FRMD5: variants seen among roughly 807,000 people sequenced by gnomAD.
The protein encoded by FRMD5 is FERM domain containing 5, also known as FERM domain-containing protein 5.
In FRMD5, 20 loss-of-function variants were observed where a neutral mutation model predicts 69.0. The observed-to-expected ratio is 0.29, with a 90% confidence interval of 0.20 to 0.42. The LOEUF (loss-of-function observed/expected upper bound fraction) is 0.42. Among genes scored for constraint, FRMD5 ranks in the 10% least tolerant of loss-of-function variants. The pLI is 1.00. For missense variants in FRMD5, 595 were observed against 708.6 expected (o/e 0.84, Z 1.82); for synonymous variants, 271 against 260.1 (o/e 1.04, Z -0.40).
chr15:43,934,763 A>G (rs2089730991), intron 1 of FRMD5, among the ~76,000 whole-genome samples: 1 of 152,204 alleles, frequency 6.6e-6, no homozygotes, highest in African/African-American at 2.4e-5. Flanking sequence ...CTCAGAGTGG[A>G]TCCTCAGGCT....
chr15:43,871,541 T>C lies in FRMD5; in HGVS notation c.*2344A>G, dbSNP rs2088161529. 6.6e-6 allele frequency: 1 copy of C among 152,234 alleles called. No homozygotes were observed. Among genetic ancestry groups the C allele is most frequent in the South Asian group, 2.1e-4 (1 of 4,830 alleles). 9.4% of individuals were successfully genotyped at this position (152,234 alleles called of 1,614,324 possible). ...CCAGCCCCCTGTCTCCTGACAGCCT[T>C]TTCATCTCTGGGTCTACTTTTCACG... is the stretch of plus-strand genomic sequence containing the variant. On this transcript the variant is annotated 3_prime_UTR_variant, in exon 14 of 14. Coordinates refer to ENST00000417257, the MANE Select transcript of FRMD5 (RefSeq NM_032892.5).
intron 1 of FRMD5, among the ~76,000 whole-genome samples, chr15:43,964,087 TAAAATA>T (rs1200941158): frequency 1.3e-5 from 2 of 151,082 alleles, no homozygotes; most frequent in African/African-American, 4.9e-5. Context: ...CACTAGAAAA[TAAAATA>T]AAATAAAATA....
chr15:44,182,901 T>C (rs2078031632), intron 1 of FRMD5, among the ~76,000 whole-genome samples: 1 of 151,760 alleles, frequency 6.6e-6, no homozygotes, highest in Admixed American at 6.6e-5. Flanking sequence ...GTTCACATCA[T>C]TCTCCTGCCT....
At chr15:43,944,703 C>T (rs2089915814) in intron 1 of FRMD5, among the ~76,000 whole-genome samples, 1 of 152,138 alleles carries the variant, frequency 6.6e-6, no homozygotes, top group Non-Finnish European at 1.5e-5. Context: ...GATTCTCCTG[C>T]CTCAGCCTCC....
At chr15:44,035,379 T>C (rs1595652862) in intron 1 of FRMD5, among the ~76,000 whole-genome samples, 2 of 152,298 alleles carry the variant, frequency 1.3e-5, no homozygotes, top group South Asian at 4.1e-4. Context: ...TTTACACATC[T>C]AGAACATTCT....
At chr15:44,032,235 A>C (rs904501273) in intron 1 of FRMD5, among the ~76,000 whole-genome samples, 4 of 152,234 alleles carry the variant, frequency 2.6e-5, no homozygotes, top group African/African-American at 9.6e-5. Context: ...GTAAAACCCA[A>C]AACTATGAAA....
intron 1 of FRMD5, among the ~76,000 whole-genome samples, chr15:43,999,971 T>TGCCATGC (rs1555392742): frequency 2.3e-4 from 12 of 53,032 alleles, no homozygotes; most frequent in East Asian, 1.2e-3. Context: ...TATATATATA[T>TGCCATGC]ATATATATAT....
chr15:44,163,099 G>A (rs578174681), intron 1 of FRMD5, among the ~76,000 whole-genome samples: 201 of 152,226 alleles, frequency 1.3e-3, no homozygotes, highest in South Asian at 3.3e-3. Context: ...GCGTGAACCC[G>A]AGAGGCGGAG....
intron 1 of FRMD5, among the ~76,000 whole-genome samples, chr15:44,090,551 C>T (rs1474922575): frequency 6.6e-6 from 1 of 151,922 alleles, no homozygotes; most frequent in Non-Finnish European, 1.5e-5. Flanking sequence ...GTAATTCTCC[C>T]ACCTCAGCCT....
At chr15:44,100,784 G>T (rs111553060) in intron 1 of FRMD5, among the ~76,000 whole-genome samples, 3,606 of 152,182 alleles carry the variant, frequency 0.024, 150 homozygotes, top group African/African-American at 0.082. Context: ...AAGAAACCCG[G>T]TTTTTCTGAA....
At chr15:44,022,584 GAAAAA>G (rs5812262) in intron 1 of FRMD5, among the ~76,000 whole-genome samples, 1 of 73,192 alleles carries the variant, frequency 1.4e-5, no homozygotes, top group Admixed American at 2.1e-4. Context: ...CACTCCACCA[GAAAAA>G]AAAAAAAAAA....
At chr15:44,021,678 G>C (rs1345992425) in intron 1 of FRMD5, among the ~76,000 whole-genome samples, 2 of 152,122 alleles carry the variant, frequency 1.3e-5, no homozygotes, top group Non-Finnish European at 2.9e-5. Flanking sequence ...TGAAGATGTG[G>C]AGAAACTAGA....
intron 12 of FRMD5, 89 bp from the exon 13 acceptor site, chr15:43,883,898 C>T (rs1426508987): frequency 3.3e-6 from 3 of 916,298 alleles, no homozygotes; most frequent in Non-Finnish European, 5.4e-6. Context: ...ACTAGAATTG[C>T]CTGGCTATAT....
intron 1 of FRMD5, among the ~76,000 whole-genome samples, chr15:44,165,641 G>A (rs1334094482): frequency 6.6e-6 from 1 of 152,068 alleles, no homozygotes; most frequent in East Asian, 1.9e-4. Context: ...TTTGAAACCA[G>A]CCTGGGCAAC....
At chr15:44,055,593 A>C (rs1285872535) in intron 1 of FRMD5, among the ~76,000 whole-genome samples, 1 of 152,220 alleles carries the variant, frequency 6.6e-6, no homozygotes, top group African/African-American at 2.4e-5. Flanking sequence ...AGTCCTTTAA[A>C]TTTTACCAAT....
rs190526391 is a variant in FRMD5, at chr15:43,920,661, T to C, written c.208-852A>G. Among the ~76,000 whole-genome samples the C allele has an allele frequency of 2.0e-5, 3 of 152,318 alleles. No homozygotes were observed. In the East Asian group the frequency reaches 5.8e-4, roughly 29 times the overall value. ...AGGTAGGACTGCTATTAATTGGAGT[T>C]TGATTATCCAGAGGTAGCTTAACAT... On this transcript the variant is annotated intron_variant, in intron 2 of 13. Transcript: ENST00000417257.
chr15:44,057,851 C>T (rs1363905119), intron 1 of FRMD5, among the ~76,000 whole-genome samples: 1 of 152,174 alleles, frequency 6.6e-6, no homozygotes, highest in Non-Finnish European at 1.5e-5. Flanking sequence ...TGGGTCCCTT[C>T]CAGTTCCAGC....
chr15:43,893,460 T>C (rs1182064004), intron 7 of FRMD5, among the ~76,000 whole-genome samples: 1 of 152,028 alleles, frequency 6.6e-6, no homozygotes, highest in East Asian at 1.9e-4. Flanking sequence ...CTCCCTGAGG[T>C]CTAGGCTGGG....
chr15:44,078,106 C>A (rs1893846102), intron 1 of FRMD5, among the ~76,000 whole-genome samples: 1 of 152,102 alleles, frequency 6.6e-6, no homozygotes, highest in African/African-American at 2.4e-5. Flanking sequence ...TTGCTAAAGG[C>A]AAATGCTGAA....
Sources: allele counts gnomAD v4.1 joint callset (sites outside exome capture counted in the v4.1 genomes callset), GRCh38; gene constraint gnomAD v4.1.1; transcripts MANE v1.5; gene names NCBI Gene and HGNC (gene_info 2026-07-23, HGNC 2026-07-21).